The following NFKB1 variants were observed in gnomAD, a reference collection of about 807,000 sequenced individuals.
The protein encoded by NFKB1 is nuclear factor NF-kappa-B p105 subunit.
In NFKB1, 9 loss-of-function variants were observed where a neutral mutation model predicts 105.1. The ratio of observed to expected loss-of-function variants is 0.09; its 90% CI spans 0.05 to 0.15. The LOEUF (loss-of-function observed/expected upper bound fraction) is 0.15. NFKB1 is among the 10% of genes least tolerant of loss of function. NFKB1 has a pLI of 1.00. For missense variants in NFKB1, 830 were observed against 1,203.7 expected (o/e 0.69, Z 4.59); for synonymous variants, 440 against 442.2 (o/e 1.00, Z 0.06).
At chr4:102,536,212 G>T (rs527281967) in intron 4 of NFKB1, among the ~76,000 whole-genome samples, 2 of 152,172 alleles carry the variant, frequency 1.3e-5, no homozygotes, top group Non-Finnish European at 2.9e-5. Flanking sequence ...CTTACAAAAG[G>T]CATAGGGCTG....
In NFKB1 at chr4:102,567,054, T is replaced by C. The variant is rs1723938520; in HGVS notation, c.326T>C (p.Leu109Pro). Residue 109 changes from leucine (L) to proline (P), a missense_variant, in exon 6 of 24, where the codon CTG (leucine) becomes CCG (proline). Leu to Pro is a moderately conservative substitution (Grantham distance 98). This residue lies in a region of NFKB1 where 64 missense variants were observed against 79.9 expected (regional missense o/e 0.80). Transcript: ENST00000226574. ...GTCACAAATGGAAAAAATATCCACCTGCATGCCCACAGCCTGGTGGGAAAA... is the reference window on the plus strand; with the variant it reads ...GTCACAAATGGAAAAAATATCCACCCGCATGCCCACAGCCTGGTGGGAAAA... The part of the protein sequence containing the change: ...QLVTNGKNIH[L>P]HAHSLVGKHC... The C allele has an allele frequency of 6.2e-7, 1 of 1,613,916 alleles. No homozygotes were observed. The highest frequency in any genetic ancestry group is 8.5e-7 in the Non-Finnish European group (1 of 1,179,926).
At position 102,568,374 on chromosome 4, in the gene NFKB1, C is replaced by T. The variant is rs541934171; in HGVS notation, c.407+1239C>T. ...CTTTATATGAACTTGTTTCAACATC[C>T]TCTTGAAAGACTGGCGTGTCTCCTG... On this transcript the variant is annotated intron_variant, in intron 6 of 23. Coordinates refer to ENST00000226574, the MANE Select transcript of NFKB1 (RefSeq NM_003998.4). Among the ~76,000 whole-genome samples, 3 of 152,188 alleles carry T rather than the reference C, an allele frequency of 2.0e-5. No individual in the cohort carries two copies. The South Asian group carries it at 6.2e-4, about 32-fold the overall frequency.
At chr4:102,555,003 A>G (rs959071734) in intron 5 of NFKB1, among the ~76,000 whole-genome samples, 1 of 152,120 alleles carries the variant, frequency 6.6e-6, no homozygotes, top group Non-Finnish European at 1.5e-5. Context: ...CAAGGGCTTC[A>G]AAAAATAATC....
intron 1 of NFKB1, among the ~76,000 whole-genome samples, chr4:102,513,529 C>G (rs1233614672): frequency 1.3e-5 from 2 of 152,114 alleles, no homozygotes; most frequent in Non-Finnish European, 1.5e-5. Flanking sequence ...TTATGGAACA[C>G]GTTGGAATGC....
intron 5 of NFKB1, among the ~76,000 whole-genome samples, chr4:102,557,618 A>C (rs1723086184): frequency 6.6e-6 from 1 of 152,236 alleles, no homozygotes; most frequent in African/African-American, 2.4e-5. Context: ...GAGATGGACC[A>C]GAAATGCAAA....
At chr4:102,613,028 A>G (rs1323378794) in intron 22 of NFKB1, among the ~76,000 whole-genome samples, 1 of 152,098 alleles carries the variant, frequency 6.6e-6, no homozygotes, top group African/African-American at 2.4e-5. Flanking sequence ...CATTTCTAAA[A>G]ATAAAATGTA....
chr4:102,546,587 T>C (rs1235265885), intron 5 of NFKB1, among the ~76,000 whole-genome samples: 3 of 152,088 alleles, frequency 2.0e-5, no homozygotes, highest in Admixed American at 2.0e-4. Context: ...AAGAAAACTT[T>C]GGGAAAACAC....
intron 1 of NFKB1, among the ~76,000 whole-genome samples, chr4:102,511,146 A>G (rs1269002107): frequency 6.6e-6 from 1 of 152,128 alleles, no homozygotes; most frequent in African/African-American, 2.4e-5. Context: ...GTTGACAGAA[A>G]TTATATATGT....
rs913205974 is a variant in NFKB1, at chr4:102,563,944, G to A, written c.259-3043G>A. Among the ~76,000 whole-genome samples, 8 of 150,396 alleles carry A rather than the reference G, an allele frequency of 5.3e-5. No homozygotes were observed. In the East Asian group the frequency reaches 5.9e-4, roughly 11 times the overall value. On this transcript the variant is annotated intron_variant, in intron 5 of 23. Transcript: ENST00000226574. Reference sequence around the variant, plus strand: ...TCAAGTGATTCTCCTGCCGCCTGCCGAATAGCTGGGATTACAGGTGCACAC... The same window carrying A: ...TCAAGTGATTCTCCTGCCGCCTGCCAAATAGCTGGGATTACAGGTGCACAC...
At chr4:102,584,583 A>C in intron 10 of NFKB1, 99 bp from the exon 11 acceptor site, 1 of 1,232,026 alleles carries the variant, frequency 8.1e-7, no homozygotes, top group Non-Finnish European at 1.1e-6. Context: ...AACATTGGGT[A>C]TAAAGAAAAG....
intron 1 of NFKB1, among the ~76,000 whole-genome samples, chr4:102,506,299 G>A (rs1015648370): frequency 6.6e-6 from 1 of 152,118 alleles, no homozygotes; most frequent in Admixed American, 6.5e-5. Context: ...GCACTGCTTG[G>A]TAATCTAAGA....
At chr4:102,579,131 A>G (rs889008546) in intron 8 of NFKB1, 92 bp downstream of exon 8, 6 of 1,333,318 alleles carry the variant, frequency 4.5e-6, no homozygotes, top group African/African-American at 2.9e-5. Context: ...TGGGGAAGGT[A>G]ACTTAATCAC....
chr4:102,543,729 T>C (rs888973186), intron 5 of NFKB1, among the ~76,000 whole-genome samples: 1 of 152,198 alleles, frequency 6.6e-6, no homozygotes, highest in Non-Finnish European at 1.5e-5. Context: ...CACATATCCT[T>C]GCATAATCTC....
intron 19 of NFKB1, 137 bp downstream of exon 19, chr4:102,607,888 C>G: frequency 1.4e-6 from 1 of 727,654 alleles, no homozygotes; most frequent in South Asian, 1.6e-5. Flanking sequence ...AATTATATGG[C>G]AAATCACATT....
At chr4:102,517,578 G>A (rs985716440) in intron 1 of NFKB1, among the ~76,000 whole-genome samples, 1 of 152,132 alleles carries the variant, frequency 6.6e-6, no homozygotes, top group African/African-American at 2.4e-5. Context: ...AAATATATAG[G>A]TAAAGTTAGA....
intron 1 of NFKB1, among the ~76,000 whole-genome samples, chr4:102,510,416 G>C (rs1739702270): frequency 6.6e-6 from 1 of 152,030 alleles, no homozygotes; most frequent in Non-Finnish European, 1.5e-5. Context: ...TTTTTGTTCT[G>C]TAAAAAAAAT....
intron 5 of NFKB1, among the ~76,000 whole-genome samples, chr4:102,551,367 T>TGTGTATGCGCGC (rs370790173): frequency 1.1e-3 from 166 of 150,204 alleles, no homozygotes; most frequent in African/African-American, 3.1e-3. Context: ...TGTGTGTGTG[T>TGTGTATGCGCGC]GCGCGCGCGC....
chr4:102,585,014 T>G (rs2149192987), intron 11 of NFKB1, among the ~76,000 whole-genome samples, 194 bp downstream of exon 11: 1 of 152,130 alleles, frequency 6.6e-6, no homozygotes, highest in South Asian at 2.1e-4. Flanking sequence ...CTCAAATAGC[T>G]GGGACTACAG....
chr4:102,593,288 C>G lies in NFKB1; in HGVS notation c.1067-137C>G, dbSNP rs1020760. 0.41 allele frequency: 327,832 copies of G among 808,716 alleles called. 68,296 individuals carry two copies. Among genetic ancestry groups the G allele is most frequent in the Admixed American group, 0.53 (21,682 of 41,000 alleles). The allele number at this position is 808,716 out of a possible 1,614,324, so 50.1% of individuals were successfully genotyped here. Reference sequence around the variant, plus strand: ...TAAATATAACGCTTCTTGAAATTTACCATCTCTTCCTCTTTGAGTGCTTTC... The same window carrying G: ...TAAATATAACGCTTCTTGAAATTTAGCATCTCTTCCTCTTTGAGTGCTTTC... On this transcript the variant is annotated intron_variant, in intron 11 of 23. Transcript: ENST00000226574.
Sources: allele counts gnomAD v4.1 joint callset (sites outside exome capture counted in the v4.1 genomes callset), GRCh38; gene constraint gnomAD v4.1.1; regional missense constraint gnomAD v4.1.1; transcripts MANE v1.5; gene names NCBI Gene and HGNC (gene_info 2026-07-23, HGNC 2026-07-21).